Variants in PRDM1 observed in about 807,000 individuals in gnomAD.
PRDM1 encodes the protein PR/SET domain 1.
In PRDM1, 13 loss-of-function variants were observed where a neutral mutation model predicts 62.8. The ratio of observed to expected loss-of-function variants is 0.21; its 90% CI spans 0.13 to 0.33. The LOEUF (loss-of-function observed/expected upper bound fraction) is 0.33. PRDM1 is among the 10% of genes least tolerant of loss of function. The probability of loss-of-function intolerance (pLI) is 1.00; values close to 1 mark genes in which losing one functional copy is unlikely to be tolerated. For missense variants in PRDM1, 895 were observed against 1,058.8 expected, an observed-to-expected ratio of 0.85 and a Z score of 2.15; for synonymous variants, 396 against 417.6, an observed-to-expected ratio of 0.95 and a Z score of 0.63.
chr6:106,072,512 A>C (rs1304605446), intron 1 of PRDM1, among the ~76,000 whole-genome samples: 1 of 152,210 alleles, frequency 6.6e-6, no homozygotes, highest in African/African-American at 2.4e-5. Flanking sequence ...AGAAGGGAAG[A>C]ATATATATAG....
At chr6:105,995,904 C>A (rs1365797739) in intron 1 of PRDM1, among the ~76,000 whole-genome samples, 6 of 152,150 alleles carry the variant, frequency 3.9e-5, no homozygotes, top group Admixed American at 3.9e-4. Flanking sequence ...CACTGTGGTT[C>A]AAAAATGTAG....
chr6:106,062,848 A>G (rs1773366073), intron 1 of PRDM1, among the ~76,000 whole-genome samples: 1 of 152,166 alleles, frequency 6.6e-6, no homozygotes, highest in South Asian at 2.1e-4. Context: ...ATGGGAGTGT[A>G]AATGAATAAT....
At chr6:106,092,830 T>A (rs1334409490) in intron 2 of PRDM1, among the ~76,000 whole-genome samples, 3 of 152,198 alleles carry the variant, frequency 2.0e-5, no homozygotes, top group Non-Finnish European at 4.4e-5. Flanking sequence ...TTACTGTATA[T>A]TAGAACGCTA....
upstream of PRDM1, among the ~76,000 whole-genome samples, chr6:106,043,663 G>A (rs1379951063): frequency 4.6e-5 from 7 of 152,244 alleles, no homozygotes; most frequent in South Asian, 8.3e-4. Flanking sequence ...AGCCTCCCGA[G>A]TAGCTGGGAT....
chr6:106,043,332 G>A lies in PRDM1; in HGVS notation c.-66-44869G>A, dbSNP rs551206948. Among the ~76,000 whole-genome samples, 10 of 152,192 alleles carry A rather than the reference G, an allele frequency of 6.6e-5. No individual in the cohort carries two copies. The East Asian group carries it at 1.7e-3, about 26-fold the overall frequency. ...CTCTCGCTTAATTATAAGCTCCATG[G>A]AGGGCAAAGACTATGTCAGTTTTGC... On this transcript the variant is annotated intron_variant, in intron 1 of 6. Coordinates refer to the PRDM1 transcript ENST00000652320.
intron 1 of PRDM1, among the ~76,000 whole-genome samples, chr6:106,036,310 G>A (rs767468397): frequency 1.8e-4 from 27 of 152,090 alleles, no homozygotes; most frequent in Middle Eastern, 3.4e-3. Flanking sequence ...CACCATGCAC[G>A]GCTAACCATG....
chr6:106,091,994 CAG>C (rs1773974914), intron 2 of PRDM1, among the ~76,000 whole-genome samples: 1 of 151,876 alleles, frequency 6.6e-6, no homozygotes. Flanking sequence ...GGAGGGAAAA[CAG>C]ATAGCTAGTA....
At chr6:106,095,912 CT>C in intron 3 of PRDM1, 178 bp downstream of exon 3, 1 of 674,838 alleles carries the variant, frequency 1.5e-6, no homozygotes, top group Non-Finnish European at 2.4e-6. Flanking sequence ...GATGAAATGT[CT>C]GGCCTGTAGG....
At chr6:106,078,119 C>T (rs566710598) in intron 1 of PRDM1, 1 of 152,306 alleles carries the variant, frequency 6.6e-6, no homozygotes, top group East Asian at 1.9e-4. Context: ...TCAGCTGAGT[C>T]CCTGCTGGGT....
At chr6:106,073,449 C>G (rs943902173) in intron 1 of PRDM1, among the ~76,000 whole-genome samples, 1 of 152,100 alleles carries the variant, frequency 6.6e-6, no homozygotes, top group South Asian at 2.1e-4. Context: ...AAGGGCAATA[C>G]TGTATCATCA....
chr6:105,998,743 G>A (rs990486971), intron 1 of PRDM1, among the ~76,000 whole-genome samples: 1 of 151,796 alleles, frequency 6.6e-6, no homozygotes, highest in Non-Finnish European at 1.5e-5. Flanking sequence ...GTCTGCCCAA[G>A]GACTGTTAGT....
At chr6:106,008,799 T>G (rs1489012431) in intron 1 of PRDM1, among the ~76,000 whole-genome samples, 1 of 152,228 alleles carries the variant, frequency 6.6e-6, no homozygotes. Context: ...GATGCTTGGT[T>G]ACTGGCCATT....
chr6:106,068,593 C>A (rs1018309874), intron 1 of PRDM1, among the ~76,000 whole-genome samples: 1 of 152,176 alleles, frequency 6.6e-6, no homozygotes, highest in African/African-American at 2.4e-5. Flanking sequence ...GTTAAATTCT[C>A]CTTCTACCAT....
At chr6:106,068,481 C>T (rs1242855138) in intron 1 of PRDM1, among the ~76,000 whole-genome samples, 1 of 152,162 alleles carries the variant, frequency 6.6e-6, no homozygotes, top group Non-Finnish European at 1.5e-5. Context: ...TATTCTCCTT[C>T]CTTCCTTTTC....
At chr6:106,088,558 C>T (rs1773876683) in intron 2 of PRDM1, 109 bp downstream of exon 2, 5 of 1,241,208 alleles carry the variant, frequency 4.0e-6, no homozygotes, top group Non-Finnish European at 5.7e-6. Flanking sequence ...CTGTAAGTAT[C>T]AGTAAATAAT....
chr6:106,107,583 GCT>G lies in PRDM1; in HGVS notation c.*103_*104del, dbSNP rs1205814470. On this transcript the variant is annotated 3_prime_UTR_variant, in exon 7 of 7. Coordinates refer to ENST00000369096, the MANE Select transcript of PRDM1 (RefSeq NM_001198.4). The stretch of plus-strand genomic sequence containing the variant: ...TTGTACATAATCCCAGCTCTGCAAA[GCT>G]CTCTCGACAGCAAATGGTTTCCCCT... 3.6e-6 allele frequency: 4 copies of G among 1,124,804 alleles called. No homozygotes were observed. The highest frequency in any genetic ancestry group is 4.9e-6 in the Non-Finnish European group (4 of 809,412). 69.7% of individuals were successfully genotyped at this position (1,124,804 alleles called of 1,614,324 possible). A position where few individuals can be genotyped will look rare whatever the true frequency, so the allele number is the denominator to read the frequency against.
At chr6:106,011,230 T>A (rs978033747) in intron 1 of PRDM1, among the ~76,000 whole-genome samples, 1 of 152,196 alleles carries the variant, frequency 6.6e-6, no homozygotes, top group African/African-American at 2.4e-5. Context: ...TTTATCACCT[T>A]TATAACAATC....
Position 106,106,325 on chromosome 6 carries a change from CAG to C in PRDM1, c.1774-43_1774-42del. 1 of 1,606,190 alleles carries C rather than the reference CAG, an allele frequency of 6.2e-7. No individual in the cohort carries two copies. The highest frequency in any genetic ancestry group is 8.5e-7 in the Non-Finnish European group (1 of 1,174,284). On this transcript the variant is annotated intron_variant, in intron 5 of 6. Coordinates refer to ENST00000369096, the MANE Select transcript of PRDM1 (RefSeq NM_001198.4). This position sits in a 1 kb window ranked among gnomAD's most constrained non-coding sequence, Gnocchi z 4.4. ...GTCTTGGAGCAGAAATGTTAGGTCT[CAG>C]AGCCAGCTTGAGAGCAGAGCTAACA...
chr6:105,997,904 T>A (rs1582420305), intron 1 of PRDM1, among the ~76,000 whole-genome samples: 1 of 152,308 alleles, frequency 6.6e-6, no homozygotes, highest in South Asian at 2.1e-4. Context: ...TAGTGAAGTT[T>A]TAAATATGAT....
Sources: gnomAD v4.1 joint callset for allele counts (sites outside exome capture counted in the v4.1 genomes callset) on GRCh38, gnomAD v4.1.1 for gene constraint, Gnocchi (gnomAD v3.1) non-coding constraint, MANE v1.5 for transcripts, NCBI Gene and HGNC (gene_info 2026-07-23, HGNC 2026-07-21) for gene names.